CCSER1: variants seen among roughly 807,000 people sequenced by gnomAD.
CCSER1 encodes the protein serine-rich coiled-coil domain-containing protein 1.
In CCSER1, 41 loss-of-function variants were observed where a neutral mutation model predicts 82.0. That is an observed-to-expected ratio of 0.50 (90% CI 0.39 to 0.65). CCSER1 has a LOEUF of 0.65. Among genes scored for constraint, CCSER1 ranks in the 30% least tolerant of loss-of-function variants. The pLI, the probability that CCSER1 is intolerant of heterozygous loss-of-function variation, is 0.00. For synonymous variants in CCSER1, 414 were observed against 383.9 expected, an observed-to-expected ratio of 1.08 and a Z score of -0.92; for missense variants, 1,119 against 1,064.2, an observed-to-expected ratio of 1.05 and a Z score of -0.72.
chr4:91,160,752 G>T (rs1294881554), intron 10 of CCSER1, among the ~76,000 whole-genome samples: 1 of 151,192 alleles, frequency 6.6e-6, no homozygotes, highest in Non-Finnish European at 1.5e-5. Flanking sequence ...TGTTGTTGTT[G>T]TTGTTTTTTT....
intron 10 of CCSER1, among the ~76,000 whole-genome samples, chr4:91,250,388 T>TA (rs1740161897): frequency 6.6e-6 from 1 of 152,060 alleles, no homozygotes; most frequent in Non-Finnish European, 1.5e-5. Context: ...TTAGCAGAGC[T>TA]AAAAAAGAAC....
At chr4:90,772,295 A>C (rs914882223) in intron 7 of CCSER1, among the ~76,000 whole-genome samples, 1 of 152,286 alleles carries the variant, frequency 6.6e-6, no homozygotes, top group East Asian at 1.9e-4. Flanking sequence ...CATGTCATAA[A>C]TGTCTGAGAG....
intron 10 of CCSER1, among the ~76,000 whole-genome samples, chr4:91,446,414 A>G (rs1755554888): frequency 6.6e-6 from 1 of 151,988 alleles, no homozygotes; most frequent in Non-Finnish European, 1.5e-5. Flanking sequence ...ACGTATTGGC[A>G]GAGTGTGCTC....
chr4:91,182,287 C>G (rs961161803), intron 10 of CCSER1, among the ~76,000 whole-genome samples: 6 of 152,326 alleles, frequency 3.9e-5, no homozygotes, highest in South Asian at 2.1e-4. Context: ...TGGAGAAATA[C>G]AAGCATAATC....
At chr4:90,799,384 A>G (rs1164954273) in intron 7 of CCSER1, among the ~76,000 whole-genome samples, 1 of 152,074 alleles carries the variant, frequency 6.6e-6, no homozygotes, top group East Asian at 1.9e-4. Context: ...GCAAAGAAAA[A>G]TCCATCTGGG....
intron 1 of CCSER1, 126 bp downstream of exon 1, chr4:90,127,957 T>A (rs1012482753): frequency 6.6e-6 from 1 of 151,452 alleles, no homozygotes; most frequent in Non-Finnish European, 1.5e-5. Context: ...CGGGGCCGCC[T>A]GCGAGCAGCG....
At chr4:90,820,733 TATATA>T (rs141966373) in intron 8 of CCSER1, among the ~76,000 whole-genome samples, 9,943 of 150,816 alleles carry the variant, frequency 0.066, 447 homozygotes, top group Admixed American at 0.12. Context: ...ATAACTGTAT[TATATA>T]TTATATATAT....
chr4:91,063,817 A>G (rs2148745046), intron 9 of CCSER1, among the ~76,000 whole-genome samples: 1 of 152,268 alleles, frequency 6.6e-6, no homozygotes. Flanking sequence ...CAGCATCCTT[A>G]CAAGAGTGGT....
At chr4:91,182,365 G>A (rs966513583) in intron 10 of CCSER1, among the ~76,000 whole-genome samples, 1 of 152,170 alleles carries the variant, frequency 6.6e-6, no homozygotes, top group Non-Finnish European at 1.5e-5. Context: ...CAAATCAGTT[G>A]TTCTGCTTCT....
intron 8 of CCSER1, among the ~76,000 whole-genome samples, chr4:90,885,470 A>G (rs1178542956): frequency 6.6e-6 from 1 of 152,230 alleles, no homozygotes; most frequent in Non-Finnish European, 1.5e-5. Flanking sequence ...TGATTCTGTG[A>G]GTTAGAAATT....
At chr4:91,347,182 G>A (rs1748117889) in intron 10 of CCSER1, among the ~76,000 whole-genome samples, 2 of 151,958 alleles carry the variant, frequency 1.3e-5, no homozygotes, top group South Asian at 2.1e-4. Context: ...ATAACGTCTG[G>A]GTGTAGATTT....
At chr4:90,840,410 G>C (rs1762438294) in intron 8 of CCSER1, among the ~76,000 whole-genome samples, 1 of 152,164 alleles carries the variant, frequency 6.6e-6, no homozygotes, top group Non-Finnish European at 1.5e-5. Flanking sequence ...TATTTATGAA[G>C]TGCTGTGTGC....
intron 3 of CCSER1, among the ~76,000 whole-genome samples, chr4:90,325,381 C>A (rs1240035672): frequency 1.3e-5 from 2 of 152,048 alleles, no homozygotes; most frequent in Non-Finnish European, 2.9e-5. Flanking sequence ...CTAGGATATA[C>A]TTTAGATATT....
Position 90,914,115 on chromosome 4 carries a change from A to C in CCSER1, c.2095-9255A>C, listed in dbSNP as rs1726890733. Among the ~76,000 whole-genome samples the C allele has an allele frequency of 2.0e-5, 3 of 152,172 alleles. No homozygotes were observed. In the South Asian group the frequency reaches 6.2e-4, roughly 31 times the overall value. ...CAGAAAGTTAACAAGTATATCCAGGAATTGAATTCAGCTGTGCACCAAGTG... is the reference window on the plus strand; with the variant it reads ...CAGAAAGTTAACAAGTATATCCAGGCATTGAATTCAGCTGTGCACCAAGTG... On this transcript the variant is annotated intron_variant, in intron 8 of 10. Transcript: ENST00000509176.
intron 1 of CCSER1, among the ~76,000 whole-genome samples, chr4:90,155,593 C>T (rs2153357260): frequency 6.6e-6 from 1 of 152,232 alleles, no homozygotes; most frequent in African/African-American, 2.4e-5. Context: ...CAACTTCTTC[C>T]TGGTTTAGTC....
chr4:91,296,947 A>G (rs1459503564), intron 10 of CCSER1, among the ~76,000 whole-genome samples: 1 of 151,858 alleles, frequency 6.6e-6, no homozygotes, highest in Non-Finnish European at 1.5e-5. Flanking sequence ...TTTTTAAAAA[A>G]TACATCAAAA....
At chr4:91,467,005 C>T (rs1210382530) in intron 10 of CCSER1, among the ~76,000 whole-genome samples, 6 of 152,190 alleles carry the variant, frequency 3.9e-5, no homozygotes, top group African/African-American at 1.4e-4. Flanking sequence ...AAAAAAACTA[C>T]TTTAAAGTTC....
chr4:90,243,569 G>C (rs942372737), intron 1 of CCSER1, among the ~76,000 whole-genome samples: 54 of 146,148 alleles, frequency 3.7e-4, no homozygotes, highest in African/African-American at 1.4e-3. Context: ...TTTATTTTGG[G>C]GAGGTGGGGG....
chr4:91,342,475 A>T, intron 10 of CCSER1, among the ~76,000 whole-genome samples: 1 of 152,156 alleles, frequency 6.6e-6, no homozygotes, highest in Non-Finnish European at 1.5e-5. Context: ...CTTTTTACCA[A>T]AGTGTTAAAC....
Sources: allele counts gnomAD v4.1 joint callset (sites outside exome capture counted in the v4.1 genomes callset), GRCh38; gene constraint gnomAD v4.1.1; transcripts MANE v1.5; gene names NCBI Gene and HGNC (gene_info 2026-07-23, HGNC 2026-07-21).